The following SPPL3 variants were observed in gnomAD, a reference collection of about 807,000 sequenced individuals.
SPPL3 encodes signal peptide peptidase like 3, also known as signal peptide peptidase-like 3.
Under a neutral mutation model 42.4 loss-of-function variants are expected in SPPL3, and 5 were observed. That is an observed-to-expected ratio of 0.12 (90% CI 0.06 to 0.25). SPPL3 has a LOEUF of 0.25. SPPL3 is among the 10% of genes least tolerant of loss of function. The pLI is 1.00. For missense variants in SPPL3, 235 were observed against 489.0 expected, an observed-to-expected ratio of 0.48 and a Z score of 4.90; for synonymous variants, 195 against 181.8, an observed-to-expected ratio of 1.07 and a Z score of -0.58.
chr12:120,865,246 T>C (rs1006290195), intron 1 of SPPL3, among the ~76,000 whole-genome samples: 1 of 152,210 alleles, frequency 6.6e-6, no homozygotes, highest in Non-Finnish European at 1.5e-5. Context: ...ATGCCACTGT[T>C]TCATGTCTTA....
chr12:120,888,676 T>C (rs770734205), intron 1 of SPPL3, among the ~76,000 whole-genome samples: 11 of 152,216 alleles, frequency 7.2e-5, no homozygotes, highest in Non-Finnish European at 1.0e-4. Context: ...ACTGCTAATA[T>C]GTACAGTTTC....
chr12:120,803,654 T>C (rs1870399954), intron 2 of SPPL3, among the ~76,000 whole-genome samples: 1 of 152,186 alleles, frequency 6.6e-6, no homozygotes, highest in Admixed American at 6.5e-5. Flanking sequence ...AGGTAAACAT[T>C]ACATGGTTAA....
intron 1 of SPPL3, among the ~76,000 whole-genome samples, chr12:120,876,154 A>G (rs370650895): frequency 2.8e-4 from 42 of 152,296 alleles, no homozygotes; most frequent in East Asian, 2.1e-3. Flanking sequence ...ATCATATTCT[A>G]GACCACCAAA....
intron 3 of SPPL3, among the ~76,000 whole-genome samples, chr12:120,787,811 C>G (rs1470536284): frequency 6.6e-6 from 1 of 152,122 alleles, no homozygotes; most frequent in Non-Finnish European, 1.5e-5. Flanking sequence ...TGTCTGGCTT[C>G]TTTGACTCAA....
rs1868831107 is a variant in SPPL3, at chr12:120,765,076, A to G, written c.1084-6T>C. ...CACATCCGCCGGAGGTCGCCCTGGGAAACAAGGGACTTTCTAAGTTACAGA... is the reference window on the plus strand; with the variant it reads ...CACATCCGCCGGAGGTCGCCCTGGGGAACAAGGGACTTTCTAAGTTACAGA... On this transcript the variant is annotated splice_polypyrimidine_tract_variant and splice_region_variant and intron_variant, in intron 10 of 10. Coordinates refer to ENST00000353487, the MANE Select transcript of SPPL3 (RefSeq NM_139015.5). 4 of 1,613,084 alleles carry G rather than the reference A, an allele frequency of 2.5e-6. No homozygotes were observed. Among genetic ancestry groups the G allele is most frequent in the African/African-American group, 1.3e-5 (1 of 74,886 alleles).
At position 120,814,427 on chromosome 12, in the gene SPPL3, T is replaced by A. The variant is rs139955256; in HGVS notation, c.24-3541A>T. ...GGTCCTCTTTTGAACAACCAGATTA[T>A]GTAGACAAGGCTCACATACCAAGAG... On this transcript the variant is annotated intron_variant, in intron 1 of 10. Coordinates refer to ENST00000353487, the MANE Select transcript of SPPL3 (RefSeq NM_139015.5). 1.7e-3 allele frequency among the ~76,000 whole-genome samples: 259 copies of A among 152,304 alleles called. 2 individuals carry two copies. The highest frequency in any genetic ancestry group is 6.0e-3 in the African/African-American group (249 of 41,556).
chr12:120,892,798 CG>C (rs771789775), intron 1 of SPPL3, among the ~76,000 whole-genome samples: 2 of 151,630 alleles, frequency 1.3e-5, no homozygotes, highest in African/African-American at 2.4e-5. Context: ...CTGGCTAACA[CG>C]GTGAAACCCC....
intron 1 of SPPL3, among the ~76,000 whole-genome samples, chr12:120,851,590 G>A (rs1257532663): frequency 2.0e-5 from 3 of 152,026 alleles, no homozygotes; most frequent in African/African-American, 4.8e-5. Context: ...TGCCACTCTC[G>A]TTTCCTGTTT....
chr12:120,766,283 G>T lies in SPPL3; in HGVS notation c.1063C>A (p.Leu355Ile). The T allele has an allele frequency of 6.3e-7, 1 of 1,592,268 alleles. No homozygotes were observed. The highest frequency in any genetic ancestry group is 1.1e-5 in the South Asian group (1 of 87,204). ...CTCACCTTTAAATAGGCCATCGTGA[G>T]GAGTGGCAATAAAGTAAATGGCACC... Reference protein sequence around the residue: ...YLVPFTLLPLLTMAYLKGDLR... With the variant: ...YLVPFTLLPLITMAYLKGDLR... Residue 355 changes from leucine to isoleucine, a missense_variant, in exon 10 of 11, where the codon CTC (leucine) becomes ATC (isoleucine). Coordinates refer to ENST00000353487, the MANE Select transcript of SPPL3 (RefSeq NM_139015.5).
intron 2 of SPPL3, among the ~76,000 whole-genome samples, chr12:120,792,696 CAAAAAAAAAAAA>C (rs57603403): frequency 2.8e-5 from 2 of 71,770 alleles, no homozygotes; most frequent in African/African-American, 8.9e-5. Context: ...GAGACTGTCT[CAAAAAAAAAAAA>C]AAAAAAAAAA....
intron 2 of SPPL3, among the ~76,000 whole-genome samples, chr12:120,803,318 A>T (rs1307408705): frequency 1.3e-5 from 2 of 152,122 alleles, no homozygotes; most frequent in African/African-American, 4.8e-5. Flanking sequence ...TAACTTGCAA[A>T]AGTTAGTACA....
chr12:120,854,652 C>A (rs1247326079), intron 1 of SPPL3, among the ~76,000 whole-genome samples: 3 of 152,088 alleles, frequency 2.0e-5, no homozygotes, highest in Non-Finnish European at 4.4e-5. Flanking sequence ...AAAAGATTTT[C>A]AAAAAGACTC....
chr12:120,859,926 G>GAGCA (rs1872577293), intron 1 of SPPL3, among the ~76,000 whole-genome samples: 1 of 151,794 alleles, frequency 6.6e-6, no homozygotes, highest in Non-Finnish European at 1.5e-5. Flanking sequence ...CTGAGCAACA[G>GAGCA]AGCAAGACTC....
chr12:120,766,628 G>C (rs551925427), intron 9 of SPPL3, among the ~76,000 whole-genome samples: 1 of 152,252 alleles, frequency 6.6e-6, no homozygotes, highest in Admixed American at 6.5e-5. Context: ...CCTCCTTCCA[G>C]CTCCAAGTGT....
rs1868795035 is a variant in SPPL3 at position 120,764,356 on chromosome 12, C to G, written c.*643G>C. On this transcript the variant is annotated 3_prime_UTR_variant, in exon 11 of 11. Transcript: ENST00000353487. ...TGTACGTATGTATAAAAACCGTGCCCTTGTTCACTGCCAACACAACATCTG... is the reference window on the plus strand; with the variant it reads ...TGTACGTATGTATAAAAACCGTGCCGTTGTTCACTGCCAACACAACATCTG... 6.6e-6 allele frequency: 1 copy of G among 152,644 alleles called. No individual in the cohort carries two copies. The allele number at this position is 152,644 out of a possible 1,614,324, so 9.5% of individuals were successfully genotyped here.
At chr12:120,861,187 T>C (rs1872607184) in intron 1 of SPPL3, among the ~76,000 whole-genome samples, 1 of 152,178 alleles carries the variant, frequency 6.6e-6, no homozygotes, top group Admixed American at 6.5e-5. Flanking sequence ...CAGGGCCAAC[T>C]GTTCTCAAAT....
intron 6 of SPPL3, among the ~76,000 whole-genome samples, chr12:120,781,491 TATATA>T (rs1380670563): frequency 1.3e-5 from 2 of 149,842 alleles, no homozygotes; most frequent in Non-Finnish European, 3.0e-5. Context: ...ATATACTACA[TATATA>T]ATATAGAGCA....
At chr12:120,826,788 G>A (rs1443441474) in intron 1 of SPPL3, among the ~76,000 whole-genome samples, 1 of 151,918 alleles carries the variant, frequency 6.6e-6, no homozygotes, top group African/African-American at 2.4e-5. Flanking sequence ...TTTATACCTG[G>A]AGTCCTGCTG....
Position 120,886,138 on chromosome 12 carries a change from C to T in SPPL3, c.23+17707G>A, listed in dbSNP as rs189639781. On this transcript the variant is annotated intron_variant, in intron 1 of 10. Transcript: ENST00000353487. ...GATTACAGGCGTGAGCCACCACGCCCGGCCAAAAAAAAAAAAAATTTTTTT... is the reference window on the plus strand; with the variant it reads ...GATTACAGGCGTGAGCCACCACGCCTGGCCAAAAAAAAAAAAAATTTTTTT... Among the ~76,000 whole-genome samples, 120 of 150,440 alleles carry T rather than the reference C, an allele frequency of 8.0e-4. 1 individual carries two copies. In the East Asian group the frequency reaches 0.019, roughly 24 times the overall value.
Sources: gnomAD v4.1 joint callset for allele counts (sites outside exome capture counted in the v4.1 genomes callset) on GRCh38, gnomAD v4.1.1 for gene constraint, MANE v1.5 for transcripts, NCBI Gene and HGNC (gene_info 2026-07-23, HGNC 2026-07-21) for gene names.